The following RGS7 variants were observed in gnomAD, a reference collection of about 807,000 sequenced individuals.
RGS7 encodes the protein regulator of G-protein signaling 7.
In RGS7, 27 loss-of-function variants were observed where a neutral mutation model predicts 81.1. The observed-to-expected ratio is 0.33, with a 90% confidence interval of 0.25 to 0.46. The LOEUF (loss-of-function observed/expected upper bound fraction) is 0.46. Among genes scored for constraint, RGS7 ranks in the 20% least tolerant of loss-of-function variants. RGS7 has a pLI of 1.00. For missense variants in RGS7, 396 were observed against 607.4 expected (o/e 0.65, Z 3.66); for synonymous variants, 208 against 207.7 (o/e 1.00, Z -0.01).
At chr1:241,287,192 T>A (rs1037614629) in intron 2 of RGS7, among the ~76,000 whole-genome samples, 1 of 152,192 alleles carries the variant, frequency 6.6e-6, no homozygotes, top group Non-Finnish European at 1.5e-5. Flanking sequence ...AATTGACAAG[T>A]GGCAATGAGG....
At chr1:241,159,142 A>G (rs981788949) in intron 2 of RGS7, among the ~76,000 whole-genome samples, 19 of 152,226 alleles carry the variant, frequency 1.2e-4, no homozygotes, top group African/African-American at 4.3e-4. Flanking sequence ...TGAACACATA[A>G]TTCATTTTTA....
At chr1:241,220,086 T>C (rs1238470459) in intron 2 of RGS7, among the ~76,000 whole-genome samples, 1 of 152,216 alleles carries the variant, frequency 6.6e-6, no homozygotes, top group Non-Finnish European at 1.5e-5. Flanking sequence ...ATCATCTAGT[T>C]TTTCTTCACC....
intron 3 of RGS7, among the ~76,000 whole-genome samples, chr1:241,002,506 G>A (rs1360100883): frequency 6.6e-6 from 1 of 150,696 alleles, no homozygotes; most frequent in Non-Finnish European, 1.5e-5. Flanking sequence ...GCAATCAACT[G>A]AAAATGGAAA....
At chr1:240,783,333 A>G (rs927577024) in intron 18 of RGS7, among the ~76,000 whole-genome samples, 1 of 152,158 alleles carries the variant, frequency 6.6e-6, no homozygotes, top group African/African-American at 2.4e-5. Context: ...TAAAAACATC[A>G]TTCTTGGCCT....
At chr1:240,944,260 ATGTGTGTGTGTG>A (rs35591630) in intron 4 of RGS7, among the ~76,000 whole-genome samples, 5 of 51,820 alleles carry the variant, frequency 9.6e-5, no homozygotes, top group African/African-American at 3.8e-4. Flanking sequence ...GTTATATTAT[ATGTGTGTGTGTG>A]TGTGTGTGTG....
chr1:241,179,603 T>C (rs2071435101), intron 2 of RGS7, among the ~76,000 whole-genome samples: 1 of 152,158 alleles, frequency 6.6e-6, no homozygotes, highest in East Asian at 1.9e-4. Context: ...AAGCTCATGA[T>C]TAATTACTGC....
intron 2 of RGS7, among the ~76,000 whole-genome samples, chr1:241,265,872 G>A (rs1299386519): frequency 1.3e-4 from 17 of 134,520 alleles, no homozygotes; most frequent in Admixed American, 3.4e-4. Context: ...TCGGCTCAAC[G>A]CAACCTCCGC....
rs191584156 is a variant in RGS7 at position 240,901,401 on chromosome 1, C to T, written c.385+29316G>A. ...CTGGGAGCTGTAGACTGGAGCTGTTCCTATTCAGCCATCTTGGAACAAGAA... is the reference window on the plus strand; with the variant it reads ...CTGGGAGCTGTAGACTGGAGCTGTTTCTATTCAGCCATCTTGGAACAAGAA... On this transcript the variant is annotated intron_variant, in intron 6 of 18. Coordinates refer to ENST00000440928, the MANE Select transcript of RGS7 (RefSeq NM_001364886.1). Among the ~76,000 whole-genome samples the T allele has an allele frequency of 5.3e-4, 80 of 152,296 alleles. No individual in the cohort carries two copies. The Middle Eastern group carries it at 0.01, about 19-fold the overall frequency.
chr1:240,820,708 A>G (rs571370031), intron 10 of RGS7, among the ~76,000 whole-genome samples: 1 of 152,284 alleles, frequency 6.6e-6, no homozygotes, highest in Admixed American at 6.5e-5. Flanking sequence ...TGAAGCACAG[A>G]GTGAGCTCGC....
At chr1:241,087,995 T>TATAC (rs1553414167) in intron 3 of RGS7, among the ~76,000 whole-genome samples, 4,608 of 115,658 alleles carry the variant, frequency 0.04, 111 homozygotes, top group Non-Finnish European at 0.053. Context: ...TATATATATA[T>TATAC]ACACACACAC....
At chr1:241,123,640 A>G (rs1295380206) in intron 2 of RGS7, among the ~76,000 whole-genome samples, 2 of 152,202 alleles carry the variant, frequency 1.3e-5, no homozygotes, top group Non-Finnish European at 2.9e-5. Context: ...AATCACAGCT[A>G]CTCGGGAGGC....
chr1:240,806,755 A>G (rs1688923494), intron 14 of RGS7, among the ~76,000 whole-genome samples: 1 of 152,034 alleles, frequency 6.6e-6, no homozygotes, highest in African/African-American at 2.4e-5. Context: ...TGGAGCCTCC[A>G]ATTGGGAGAT....
At chr1:240,870,732 T>G (rs1334561529) in intron 6 of RGS7, among the ~76,000 whole-genome samples, 2 of 152,184 alleles carry the variant, frequency 1.3e-5, no homozygotes, top group African/African-American at 4.8e-5. Flanking sequence ...GGTCACCAAA[T>G]GAACTTAAAA....
intron 4 of RGS7, among the ~76,000 whole-genome samples, chr1:240,946,147 CAAT>C (rs1242798135): frequency 9.9e-5 from 15 of 152,152 alleles, no homozygotes; most frequent in African/African-American, 3.6e-4. Flanking sequence ...CTAACAATAA[CAAT>C]GAGGCAGGTT....
intron 3 of RGS7, among the ~76,000 whole-genome samples, chr1:241,060,657 G>A (rs1451901462): frequency 2.0e-5 from 3 of 152,054 alleles, no homozygotes; most frequent in African/African-American, 7.2e-5. Flanking sequence ...TTGCTATAAG[G>A]TTAATGATAG....
chr1:240,941,578 G>A (rs1677588282), intron 4 of RGS7, among the ~76,000 whole-genome samples: 1 of 152,014 alleles, frequency 6.6e-6, no homozygotes, highest in Non-Finnish European at 1.5e-5. Context: ...GCTAATTATT[G>A]TGTGTTATAA....
At chr1:241,331,076 T>C (rs2081950934) in intron 2 of RGS7, among the ~76,000 whole-genome samples, 1 of 152,224 alleles carries the variant, frequency 6.6e-6, no homozygotes, top group African/African-American at 2.4e-5. Context: ...AAACTCTTTG[T>C]TCCAGCAAAT....
At chr1:241,211,969 A>C (rs1266740339) in intron 2 of RGS7, among the ~76,000 whole-genome samples, 1 of 152,140 alleles carries the variant, frequency 6.6e-6, no homozygotes, top group Non-Finnish European at 1.5e-5. Flanking sequence ...CAATTACATT[A>C]TTATTAATTG....
chr1:241,146,460 A>C (rs2068316766), intron 2 of RGS7, among the ~76,000 whole-genome samples: 1 of 152,140 alleles, frequency 6.6e-6, no homozygotes, highest in South Asian at 2.1e-4. Context: ...AAACAACGCT[A>C]TGCTCTGGGC....
Sources: gnomAD v4.1 joint callset for allele counts (sites outside exome capture counted in the v4.1 genomes callset) on GRCh38, gnomAD v4.1.1 for gene constraint, MANE v1.5 for transcripts, NCBI Gene and HGNC (gene_info 2026-07-23, HGNC 2026-07-21) for gene names.